STXBP5L: variants seen among roughly 807,000 people sequenced by gnomAD.
STXBP5L encodes the protein syntaxin binding protein 5L.
STXBP5L carries 65 observed loss-of-function variants against 144.5 expected under a neutral mutation model. That is an observed-to-expected ratio of 0.45 (90% confidence interval 0.37 to 0.55). STXBP5L has a LOEUF of 0.55. Ranked by LOEUF, STXBP5L falls within the 20% of genes least tolerant of loss-of-function variation. The pLI is 0.00. For missense variants in STXBP5L, 1,298 were observed against 1,405.5 expected (o/e 0.92, Z 1.22); for synonymous variants, 505 against 469.6 (o/e 1.08, Z -0.97).
chr3:121,325,509 A>G (rs973134981), intron 20 of STXBP5L, among the ~76,000 whole-genome samples: 1 of 152,044 alleles, frequency 6.6e-6, no homozygotes, highest in African/African-American at 2.4e-5. Context: ...AATTAAAATT[A>G]TGGGACATTC....
intron 15 of STXBP5L, among the ~76,000 whole-genome samples, chr3:121,253,591 ATATATATGTG>A (rs931936507): frequency 2.0e-5 from 3 of 148,576 alleles, no homozygotes; most frequent in African/African-American, 7.5e-5. Context: ...ATATATATAC[ATATATATGTG>A]TATATATATG....
At chr3:121,097,933 C>T (rs2043213592) in intron 5 of STXBP5L, among the ~76,000 whole-genome samples, 2 of 152,054 alleles carry the variant, frequency 1.3e-5, no homozygotes, top group African/African-American at 4.8e-5. Context: ...TGTTGGTTTA[C>T]GTTGAACGTA....
chr3:120,991,638 A>G (rs930067326), intron 3 of STXBP5L, among the ~76,000 whole-genome samples: 1 of 152,226 alleles, frequency 6.6e-6, no homozygotes, highest in Non-Finnish European at 1.5e-5. Flanking sequence ...ACACCATGGA[A>G]TACTGTGCAG....
intron 19 of STXBP5L, among the ~76,000 whole-genome samples, chr3:121,282,508 T>C (rs1245107087): frequency 6.6e-6 from 1 of 152,016 alleles, no homozygotes; most frequent in Non-Finnish European, 1.5e-5. Context: ...ATTATAGAAA[T>C]ATTTCAATCC....
chr3:121,352,493 T>C lies in STXBP5L; in HGVS notation c.2177-26223T>C, dbSNP rs375643395. Among the ~76,000 whole-genome samples, 9 of 152,214 alleles carry C rather than the reference T, an allele frequency of 5.9e-5. No individual in the cohort carries two copies. The South Asian group carries it at 1.7e-3, about 28-fold the overall frequency. ...GATTTGGCTCTCTGTTTGTCTGTTA[T>C]TGCTGTATAGGAATGATTGTGAGTT... is the stretch of plus-strand genomic sequence containing the variant. On this transcript the variant is annotated intron_variant, in intron 20 of 26. Transcript: ENST00000471454.
intron 5 of STXBP5L, among the ~76,000 whole-genome samples, chr3:121,059,324 A>C (rs1317534957): frequency 6.6e-6 from 1 of 151,950 alleles, no homozygotes; most frequent in African/African-American, 2.4e-5. Context: ...TGTGTTCCAT[A>C]GGTCTGTATA....
intron 9 of STXBP5L, among the ~76,000 whole-genome samples, chr3:121,168,053 A>C (rs2046566551): frequency 6.6e-6 from 1 of 152,100 alleles, no homozygotes; most frequent in South Asian, 2.1e-4. Context: ...TCTGGAGTGG[A>C]CCTCCAGCAA....
chr3:121,282,242 C>G, intron 19 of STXBP5L: 1 of 1,603,038 alleles, frequency 6.2e-7, no homozygotes, highest in Non-Finnish European at 8.5e-7. Context: ...GCTGCTGATG[C>G]TGGTGGTCTG....
At chr3:121,007,898 T>A (rs1325172550) in intron 3 of STXBP5L, among the ~76,000 whole-genome samples, 1 of 152,098 alleles carries the variant, frequency 6.6e-6, no homozygotes, top group African/African-American at 2.4e-5. Flanking sequence ...TGTAAACTAA[T>A]ACTTACAGGT....
intron 9 of STXBP5L, among the ~76,000 whole-genome samples, chr3:121,162,480 T>A (rs2046359734): frequency 6.6e-6 from 1 of 152,126 alleles, no homozygotes; most frequent in Non-Finnish European, 1.5e-5. Flanking sequence ...GAAGAAAACC[T>A]AGGCAATACC....
intron 20 of STXBP5L, among the ~76,000 whole-genome samples, chr3:121,368,707 G>T (rs964760661): frequency 2.4e-4 from 37 of 152,102 alleles, no homozygotes; most frequent in Admixed American, 2.0e-3. Flanking sequence ...GCCAAGGACT[G>T]GTCTGGGGTG....
intron 21 of STXBP5L, among the ~76,000 whole-genome samples, 174 bp from the exon 22 acceptor site, chr3:121,381,119 A>C (rs1266468435): frequency 6.6e-6 from 1 of 152,094 alleles, no homozygotes; most frequent in Non-Finnish European, 1.5e-5. Flanking sequence ...TCTAGACTTC[A>C]GTTTCTCCAT....
rs531010877 is a variant in STXBP5L, at chr3:121,095,240, TG to T, written c.471-19683del. On this transcript the variant is annotated intron_variant, in intron 5 of 26. Coordinates refer to ENST00000471454, the MANE Select transcript of STXBP5L (RefSeq NM_001308330.2). Reference sequence around the variant, plus strand: ...AACATTTTTTCCTTCATTTCAACTTTGGTGAATCTGACACTTATGTGTCTTG... The same window carrying T: ...AACATTTTTTCCTTCATTTCAACTTTGTGAATCTGACACTTATGTGTCTTG... Among the ~76,000 whole-genome samples, 83 of 152,306 alleles carry T rather than the reference TG, an allele frequency of 5.4e-4. No homozygotes were observed. The East Asian group carries it at 0.014, about 26-fold the overall frequency.
intron 14 of STXBP5L, among the ~76,000 whole-genome samples, chr3:121,241,458 A>G (rs2049668374): frequency 6.6e-6 from 1 of 151,352 alleles, no homozygotes; most frequent in African/African-American, 2.4e-5. Flanking sequence ...ACCCCAACTC[A>G]CTCCAGTAAA....
At chr3:121,087,826 T>G (rs2107716876) in intron 5 of STXBP5L, among the ~76,000 whole-genome samples, 1 of 152,216 alleles carries the variant, frequency 6.6e-6, no homozygotes, top group East Asian at 1.9e-4. Flanking sequence ...TTAGTGTATT[T>G]CTTTGTATCA....
At chr3:121,136,544 G>A (rs988562251) in intron 7 of STXBP5L, among the ~76,000 whole-genome samples, 4 of 152,186 alleles carry the variant, frequency 2.6e-5, no homozygotes, top group African/African-American at 9.7e-5. Flanking sequence ...TCACACCAGT[G>A]AGAATGGCTA....
At chr3:121,419,033 T>G in intron 26 of STXBP5L, 23 bp from the exon 27 acceptor site, 1 of 1,610,186 alleles carries the variant, frequency 6.2e-7, no homozygotes, top group Non-Finnish European at 8.5e-7. Context: ...TAGCGTCTTA[T>G]GGTGGCTATT....
At chr3:121,084,642 C>G (rs924130828) in intron 5 of STXBP5L, among the ~76,000 whole-genome samples, 1 of 152,068 alleles carries the variant, frequency 6.6e-6, no homozygotes, top group African/African-American at 2.4e-5. Context: ...TGTCTTTACT[C>G]TTATGAATAG....
At chr3:121,055,313 C>T (rs1290630039) in intron 5 of STXBP5L, among the ~76,000 whole-genome samples, 1 of 152,042 alleles carries the variant, frequency 6.6e-6, no homozygotes, top group East Asian at 1.9e-4. Context: ...TCCAAAACAT[C>T]TGATATTAGC....
Sources: allele counts gnomAD v4.1 joint callset (sites outside exome capture counted in the v4.1 genomes callset), GRCh38; gene constraint gnomAD v4.1.1; transcripts MANE v1.5; gene names NCBI Gene and HGNC (gene_info 2026-07-23, HGNC 2026-07-21).